DLG2: variants seen among roughly 807,000 people sequenced by gnomAD.
DLG2 encodes the protein discs large MAGUK scaffold protein 2, also known as disks large homolog 2.
Under a neutral mutation model 132.5 loss-of-function variants are expected in DLG2, and 45 were observed. The ratio of observed to expected loss-of-function variants is 0.34; its 90% confidence interval spans 0.27 to 0.44. The LOEUF (loss-of-function observed/expected upper bound fraction) is 0.44. DLG2 is among the 20% of genes least tolerant of loss of function. The probability of loss-of-function intolerance (pLI) is 1.00; values close to 1 mark genes in which losing one functional copy is unlikely to be tolerated. For missense variants in DLG2, 1,045 were observed against 1,196.9 expected, an observed-to-expected ratio of 0.87 and a Z score of 1.87; for synonymous variants, 424 against 419.6, an observed-to-expected ratio of 1.01 and a Z score of -0.13.
intron 4 of DLG2, among the ~76,000 whole-genome samples, chr11:85,182,648 A>G (rs1360141554): frequency 6.6e-6 from 1 of 151,624 alleles, no homozygotes; most frequent in African/African-American, 2.4e-5. Context: ...CTGTGTGAAC[A>G]CACACATTCA....
At chr11:83,899,225 T>C (rs2072704857) in intron 15 of DLG2, among the ~76,000 whole-genome samples, 1 of 150,966 alleles carries the variant, frequency 6.6e-6, no homozygotes, top group South Asian at 2.1e-4. Context: ...CGAAACTTTG[T>C]AGTCTTAGGT....
chr11:84,641,583 G>A (rs980221989), intron 6 of DLG2, among the ~76,000 whole-genome samples: 2 of 152,090 alleles, frequency 1.3e-5, no homozygotes, highest in Non-Finnish European at 2.9e-5. Context: ...ATAGTAGCCT[G>A]GATTTGACCT....
intron 7 of DLG2, among the ~76,000 whole-genome samples, chr11:84,439,955 G>C (rs986715392): frequency 2.0e-5 from 3 of 152,088 alleles, no homozygotes; most frequent in Non-Finnish European, 2.9e-5. Context: ...TACTCTGATG[G>C]GACTGACATT....
chr11:83,709,325 A>C (rs537617233), intron 18 of DLG2, among the ~76,000 whole-genome samples: 276 of 148,152 alleles, frequency 1.9e-3, no homozygotes, highest in African/African-American at 6.5e-3. Context: ...ATAAAGTTAT[A>C]TATATTATAT....
intron 6 of DLG2, among the ~76,000 whole-genome samples, chr11:84,735,839 G>C (rs2063759717): frequency 6.6e-6 from 1 of 151,910 alleles, no homozygotes; most frequent in Non-Finnish European, 1.5e-5. Context: ...GTTGCATATA[G>C]TTTTTCACAG....
At chr11:84,126,865 G>C (rs1401372760) in intron 9 of DLG2, among the ~76,000 whole-genome samples, 3 of 152,090 alleles carry the variant, frequency 2.0e-5, no homozygotes, top group African/African-American at 7.2e-5. Context: ...GTTAACTTTT[G>C]TATTTACAAT....
At chr11:84,020,800 T>C (rs988147026) in intron 11 of DLG2, among the ~76,000 whole-genome samples, 14 of 152,220 alleles carry the variant, frequency 9.2e-5, no homozygotes, top group African/African-American at 3.1e-4. Flanking sequence ...AGCCCGTAAA[T>C]TAGAACGATT....
intron 19 of DLG2, among the ~76,000 whole-genome samples, chr11:83,576,661 T>A (rs888484803): frequency 1.3e-5 from 2 of 152,162 alleles, no homozygotes; most frequent in Admixed American, 1.3e-4. Context: ...AAGGGTCAAC[T>A]TAAAATTCTA....
chr11:84,152,949 A>G (rs1192985957), intron 9 of DLG2, among the ~76,000 whole-genome samples: 6 of 152,172 alleles, frequency 3.9e-5, no homozygotes, highest in Admixed American at 2.0e-4. Flanking sequence ...GGTCTGTGCT[A>G]TGCACTTAAG....
chr11:85,510,398 C>T (rs2094033583), intron 3 of DLG2, among the ~76,000 whole-genome samples: 1 of 151,962 alleles, frequency 6.6e-6, no homozygotes, highest in African/African-American at 2.4e-5. Flanking sequence ...AGAGCTTCTG[C>T]ACAGCAAAAG....
At position 85,205,165 on chromosome 11, in the gene DLG2, G is replaced by C. The variant is rs867666493; in HGVS notation, c.187-50514C>G. Among the ~76,000 whole-genome samples, 27 of 141,754 alleles carry C rather than the reference G, an allele frequency of 1.9e-4. 1 individual carries two copies. The highest frequency in any genetic ancestry group is 5.7e-4 in the African/African-American group (22 of 38,530). 93.0% of individuals were successfully genotyped at this position (141,754 alleles called of 152,430 possible). A position where few individuals can be genotyped will look rare whatever the true frequency, so the allele number is the denominator to read the frequency against. On this transcript the variant is annotated intron_variant, in intron 4 of 27. Coordinates refer to ENST00000376104, the MANE Select transcript of DLG2 (RefSeq NM_001142699.3). The stretch of plus-strand genomic sequence containing the variant: ...GTGTGTGTATATATATATATATATA[G>C]ATATATATATATATAACAATGGAAT...
At chr11:84,411,020 C>A (rs1322271630) in intron 7 of DLG2, among the ~76,000 whole-genome samples, 1 of 152,052 alleles carries the variant, frequency 6.6e-6, no homozygotes, top group Non-Finnish European at 1.5e-5. Context: ...AAAATAAAAT[C>A]AAATAAAAAC....
intron 6 of DLG2, among the ~76,000 whole-genome samples, chr11:85,001,887 A>G (rs569012604): frequency 8.5e-5 from 13 of 152,266 alleles, no homozygotes; most frequent in Admixed American, 7.2e-4. Context: ...CTTCTGCTCA[A>G]TATGGGGTAT....
At chr11:83,993,916 C>T (rs2093871024) in intron 11 of DLG2, among the ~76,000 whole-genome samples, 1 of 152,034 alleles carries the variant, frequency 6.6e-6, no homozygotes, top group Non-Finnish European at 1.5e-5. Context: ...ATGAGGATGT[C>T]CCACTGGCAG....
At chr11:83,750,804 C>T (rs576758136) in intron 18 of DLG2, among the ~76,000 whole-genome samples, 39 of 152,174 alleles carry the variant, frequency 2.6e-4, no homozygotes, top group Non-Finnish European at 4.4e-4. Context: ...TAAAAGGTAC[C>T]TTTAGGACTT....
At chr11:85,202,432 C>T (rs550429042) in intron 4 of DLG2, among the ~76,000 whole-genome samples, 19 of 152,022 alleles carry the variant, frequency 1.2e-4, no homozygotes, top group Admixed American at 3.9e-4. Context: ...AAATAAACTG[C>T]GATATAATAG....
chr11:85,568,107 C>G (rs2077634178), intron 3 of DLG2, among the ~76,000 whole-genome samples: 1 of 151,410 alleles, frequency 6.6e-6, no homozygotes, highest in Admixed American at 6.6e-5. Flanking sequence ...CTCTGCCTCC[C>G]AGGTACAAGT....
At chr11:84,819,375 G>C (rs2077432924) in intron 6 of DLG2, among the ~76,000 whole-genome samples, 1 of 151,826 alleles carries the variant, frequency 6.6e-6, no homozygotes, top group Non-Finnish European at 1.5e-5. Context: ...TGTCAGCAGT[G>C]GTTTTTCTTC....
At chr11:83,471,768 T>C in intron 23 of DLG2, 41 bp from the exon 24 acceptor site, 1 of 1,559,418 alleles carries the variant, frequency 6.4e-7, no homozygotes, top group Non-Finnish European at 8.8e-7. Context: ...AGAGAAAGAG[T>C]TGGAAACAAC....
Sources: gnomAD v4.1 joint callset for allele counts (sites outside exome capture counted in the v4.1 genomes callset) on GRCh38, gnomAD v4.1.1 for gene constraint, MANE v1.5 for transcripts, NCBI Gene and HGNC (gene_info 2026-07-23, HGNC 2026-07-21) for gene names.